Variants in GABRB3 observed in about 807,000 individuals in gnomAD.
GABRB3 encodes the protein gamma-aminobutyric acid type A receptor subunit beta3.
In GABRB3, 14 loss-of-function variants were observed where a neutral mutation model predicts 52.1. That is an observed-to-expected ratio of 0.27 (90% CI 0.18 to 0.42). The LOEUF is 0.42. Among genes scored for constraint, GABRB3 ranks in the 10% least tolerant of loss-of-function variants. The pLI is 1.00. For missense variants in GABRB3, 307 were observed against 609.1 expected (o/e 0.50, Z 5.22); for synonymous variants, 260 against 232.3 (o/e 1.12, Z -1.08).
chr15:26,698,012 T>A (rs1398335711), intron 3 of GABRB3, among the ~76,000 whole-genome samples: 3 of 152,216 alleles, frequency 2.0e-5, no homozygotes, highest in Admixed American at 6.5e-5. Flanking sequence ...TTAGAGCTGA[T>A]CAAAGGAGTC....
intron 3 of GABRB3, among the ~76,000 whole-genome samples, chr15:26,659,563 A>G (rs1404803999): frequency 6.6e-6 from 1 of 152,188 alleles, no homozygotes; most frequent in East Asian, 1.9e-4. Flanking sequence ...TAACAGGTTA[A>G]GTATCATGAT....
intron 3 of GABRB3, among the ~76,000 whole-genome samples, chr15:26,668,695 T>A (rs72706059): frequency 6.6e-6 from 1 of 152,250 alleles, no homozygotes; most frequent in East Asian, 1.9e-4. Flanking sequence ...TTAAATCATA[T>A]GTAAATAGAG....
At chr15:26,654,291 G>T (rs1374959099) in intron 3 of GABRB3, among the ~76,000 whole-genome samples, 3 of 152,092 alleles carry the variant, frequency 2.0e-5, no homozygotes, top group African/African-American at 7.2e-5. Flanking sequence ...GACTACAGGC[G>T]CCCGCCACCA....
rs1889648095 is a variant in GABRB3 at position 26,554,177 on chromosome 15, T to TATATATATATAAA, written c.1081-6044_1081-6043insTTTATATATATAT. 3.7e-3 allele frequency among the ~76,000 whole-genome samples: 32 copies of TATATATATATAAA among 8,674 alleles called. 3 individuals carry two copies. The South Asian group carries it at 0.057, about 15-fold the overall frequency. The allele number at this position is 8,674 out of a possible 152,430, so 5.7% of individuals were successfully genotyped here. On this transcript the variant is annotated intron_variant, in intron 8 of 8. Transcript: ENST00000311550. ...ATATATAAAGTATATATATATAAAGTATATATATATATACTATATATATAT... is the reference window on the plus strand; with the variant it reads ...ATATATAAAGTATATATATATAAAGTATATATATATAAAATATATATATATACTATATATATAT...
At chr15:26,588,603 T>C (rs1435768785) in intron 4 of GABRB3, among the ~76,000 whole-genome samples, 2 of 152,136 alleles carry the variant, frequency 1.3e-5, no homozygotes, top group African/African-American at 4.8e-5. Flanking sequence ...AAAGGCCTAC[T>C]CAGGAAATGA....
At chr15:26,636,271 T>C (rs959970453) in intron 3 of GABRB3, among the ~76,000 whole-genome samples, 1 of 152,210 alleles carries the variant, frequency 6.6e-6, no homozygotes, top group Non-Finnish European at 1.5e-5. Context: ...CTGGCCCTGC[T>C]TGTGAACTAA....
rs1889257553 is a variant in GABRB3, at chr15:26,546,728, T to C, written c.*1065A>G. 1 of 152,324 alleles carries C rather than the reference T, an allele frequency of 6.6e-6. No homozygotes were observed. The highest frequency in any genetic ancestry group is 1.5e-5 in the Non-Finnish European group (1 of 68,016). The allele number at this position is 152,324 out of a possible 1,614,324, so 9.4% of individuals were successfully genotyped here. ...AATATGACATCGCATGCTGCCATGA[T>C]AGCAAGCGTAAGAAACAAAATCTTG... On this transcript the variant is annotated 3_prime_UTR_variant, in exon 9 of 9. Transcript: ENST00000311550.
intron 3 of GABRB3, among the ~76,000 whole-genome samples, chr15:26,687,640 C>T (rs777568294): frequency 6.6e-6 from 1 of 152,098 alleles, no homozygotes; most frequent in East Asian, 1.9e-4. Flanking sequence ...ATATTTAGAA[C>T]CATCACATCC....
chr15:26,667,095 T>TA (rs1369492161), intron 3 of GABRB3, among the ~76,000 whole-genome samples: 1 of 152,200 alleles, frequency 6.6e-6, no homozygotes, highest in Non-Finnish European at 1.5e-5. Context: ...CGCTCCATAA[T>TA]ACATGAATAT....
At chr15:26,707,580 T>C (rs1198187513) in intron 3 of GABRB3, among the ~76,000 whole-genome samples, 2 of 152,138 alleles carry the variant, frequency 1.3e-5, no homozygotes, top group East Asian at 1.9e-4. Context: ...AGAGGATGCA[T>C]TCATTATTGG....
chr15:26,558,838 CA>C (rs1321437325), intron 8 of GABRB3, among the ~76,000 whole-genome samples: 185 of 134,116 alleles, frequency 1.4e-3, no homozygotes, highest in Non-Finnish European at 1.2e-3. Flanking sequence ...AACTCCATCT[CA>C]AAAAAAAAAA....
At chr15:26,635,424 G>A (rs1893031662) in intron 3 of GABRB3, among the ~76,000 whole-genome samples, 2 of 151,898 alleles carry the variant, frequency 1.3e-5, no homozygotes. Context: ...CCTCTCTTGG[G>A]TGGCATGATT....
chr15:26,666,321 A>G (rs1054675228), intron 3 of GABRB3: 4 of 152,186 alleles, frequency 2.6e-5, no homozygotes, highest in African/African-American at 9.7e-5. Flanking sequence ...GGGAAGCAAG[A>G]ACAGAATATT....
intron 4 of GABRB3, chr15:26,614,172 G>T (rs1344729483): frequency 6.6e-6 from 1 of 152,220 alleles, no homozygotes; most frequent in African/African-American, 2.4e-5. Flanking sequence ...GGGAGGCAAA[G>T]AATGAGCCAA....
chr15:26,716,100 C>T (rs1180914503), intron 3 of GABRB3, among the ~76,000 whole-genome samples: 1 of 152,190 alleles, frequency 6.6e-6, no homozygotes, highest in Non-Finnish European at 1.5e-5. Flanking sequence ...TGATCAATAT[C>T]CTGACTCAAG....
intron 2 of GABRB3, 73 bp downstream of exon 2, chr15:26,772,608 C>T: frequency 1.4e-6 from 2 of 1,448,522 alleles, no homozygotes; most frequent in African/African-American, 1.5e-5. Flanking sequence ...GGATGCGGCC[C>T]CCGCCTCCCT....
chr15:26,694,390 A>G (rs942308607), intron 3 of GABRB3, among the ~76,000 whole-genome samples: 2 of 152,230 alleles, frequency 1.3e-5, no homozygotes, highest in Admixed American at 6.5e-5. Flanking sequence ...CCATGACCCC[A>G]ACAGGGCTCT....
rs536015719 is a variant in GABRB3 at position 26,661,102 on chromosome 15, T to A, written c.241-39568A>T. 2.0e-3 allele frequency among the ~76,000 whole-genome samples: 305 copies of A among 151,676 alleles called. 1 individual carries two copies. Among genetic ancestry groups the A allele is most frequent in the African/African-American group, 7.0e-3 (288 of 41,230 alleles). ...TGCCCAGCCAAGAATAAAAAAAAAA[T>A]TAAAAGAAATATTTCCTCACTGACA... On this transcript the variant is annotated intron_variant, in intron 3 of 8. Transcript: ENST00000311550.
At chr15:26,763,069 T>C (rs1330146289) in intron 3 of GABRB3, among the ~76,000 whole-genome samples, 1 of 152,312 alleles carries the variant, frequency 6.6e-6, no homozygotes, top group African/African-American at 2.4e-5. Flanking sequence ...GCATACTGCC[T>C]TGGAAAGGCA....
Sources: gnomAD v4.1 joint callset for allele counts (sites outside exome capture counted in the v4.1 genomes callset) on GRCh38, gnomAD v4.1.1 for gene constraint, MANE v1.5 for transcripts, NCBI Gene and HGNC (gene_info 2026-07-23, HGNC 2026-07-21) for gene names.